The following MLLT10 variants were observed in gnomAD, a reference collection of about 807,000 sequenced individuals.
MLLT10 encodes the protein protein AF-10.
In MLLT10, 30 loss-of-function variants were observed where a neutral mutation model predicts 129.1. The observed-to-expected ratio is 0.23, with a 90% confidence interval of 0.17 to 0.32. The LOEUF (loss-of-function observed/expected upper bound fraction) is 0.32, where lower values mean the gene tolerates loss of function less well. Among genes scored for constraint, MLLT10 ranks in the 10% least tolerant of loss-of-function variants. The pLI is 1.00. For missense variants in MLLT10, 1,119 were observed against 1,268.3 expected (o/e 0.88, Z 1.79); for synonymous variants, 490 against 446.4 (o/e 1.10, Z -1.23).
chr10:21,630,522 G>C (rs2046898604), intron 8 of MLLT10, among the ~76,000 whole-genome samples: 1 of 152,128 alleles, frequency 6.6e-6, no homozygotes, highest in Admixed American at 6.5e-5. Context: ...GGTTGTTTAT[G>C]TTGTTTATAT....
At position 21,595,402 on chromosome 10, in the gene MLLT10, A is replaced by G. The variant is rs1176347739; in HGVS notation, c.367A>G (p.Ile123Val). The change falls in exon 5 of 23, where the codon ATT (isoleucine) becomes GTT (valine). Residue 123 changes from isoleucine (I) to valine (V), a missense_variant. By Grantham distance (29) the Ile-to-Val change is conservative (BLOSUM62 3). Transcript: ENST00000307729. The stretch of plus-strand genomic sequence containing the variant: ...TGCCAATGTTTCCACAATGGAACCA[A>G]TTGTTTTACAGTCTGTTCCGCATGA... ...QFANVSTMEP[I>V]VLQSVPHDRY... The G allele has an allele frequency of 3.1e-6, 5 of 1,613,510 alleles. No homozygotes were observed. Among genetic ancestry groups the G allele is most frequent in the East Asian group, 2.2e-5 (1 of 44,850 alleles).
Position 21,670,843 on chromosome 10 carries a change from A to AT in MLLT10, c.1051+141dup, listed in dbSNP as rs879935843. The AT allele has an allele frequency of 4.5e-3, 4,323 of 968,854 alleles. 16 individuals are homozygous for AT. The highest frequency in any genetic ancestry group is 5.5e-3 in the Non-Finnish European group (3,852 of 695,662). 60.0% of individuals were successfully genotyped at this position (968,854 alleles called of 1,614,324 possible). A position where few individuals can be genotyped will look rare whatever the true frequency, so the allele number is the denominator to read the frequency against. On this transcript the variant is annotated intron_variant, in intron 10 of 22. Transcript: ENST00000307729. ...TTATATGATTAGTTGCTTTAGTAAG[A>AT]TTACTTTAAAGATAGTGTTTCCTAT...
At chr10:21,570,342 G>C (rs995667354) in intron 3 of MLLT10, among the ~76,000 whole-genome samples, 2 of 152,074 alleles carry the variant, frequency 1.3e-5, no homozygotes, top group African/African-American at 2.4e-5. Context: ...CAAAGTGCTG[G>C]GATTACAGGC....
intron 5 of MLLT10, among the ~76,000 whole-genome samples, chr10:21,606,205 T>G (rs1200756617): frequency 1.3e-5 from 2 of 152,180 alleles, no homozygotes; most frequent in African/African-American, 4.8e-5. Flanking sequence ...TTAGGCCTCC[T>G]TGTTCCCTAA....
chr10:21,609,947 C>T (rs924318060), intron 5 of MLLT10, among the ~76,000 whole-genome samples: 2 of 152,086 alleles, frequency 1.3e-5, no homozygotes, highest in African/African-American at 2.4e-5. Flanking sequence ...AAACCTTAAG[C>T]ATGAACTCTA....
intron 21 of MLLT10, among the ~76,000 whole-genome samples, chr10:21,737,360 G>C (rs1346239885): frequency 2.6e-5 from 4 of 152,164 alleles, no homozygotes; most frequent in Non-Finnish European, 5.9e-5. Flanking sequence ...GGAAGCAGGA[G>C]GCAGATGTGG....
chr10:21,707,285 C>T (rs898849465), intron 13 of MLLT10, among the ~76,000 whole-genome samples: 17 of 151,110 alleles, frequency 1.1e-4, no homozygotes, highest in African/African-American at 3.4e-4. Flanking sequence ...CTCCGCCTCC[C>T]GGGTTCACGC....
chr10:21,639,967 C>T (rs2047824983), intron 8 of MLLT10, among the ~76,000 whole-genome samples: 1 of 151,768 alleles, frequency 6.6e-6, no homozygotes. Context: ...AGGCCTAAAG[C>T]ACCCCATTAT....
intron 8 of MLLT10, among the ~76,000 whole-genome samples, chr10:21,618,830 TCAA>T (rs1224891107): frequency 2.6e-5 from 4 of 152,070 alleles, no homozygotes; most frequent in Admixed American, 2.6e-4. Flanking sequence ...CTTCCCGGGT[TCAA>T]GTGATTGTCG....
At chr10:21,631,484 A>C (rs562265494) in intron 8 of MLLT10, among the ~76,000 whole-genome samples, 2 of 151,462 alleles carry the variant, frequency 1.3e-5, no homozygotes, top group East Asian at 1.9e-4. Flanking sequence ...AGGCTGTATT[A>C]GTCCATTCTC....
At chr10:21,604,268 G>A (rs770567532) in intron 5 of MLLT10, among the ~76,000 whole-genome samples, 1 of 152,116 alleles carries the variant, frequency 6.6e-6, no homozygotes, top group Non-Finnish European at 1.5e-5. Context: ...TGGAATTGGC[G>A]ATGGATTAAG....
rs1305931652 is a variant in MLLT10 at position 21,743,296 on chromosome 10, G to C, written c.*1313G>C. On this transcript the variant is annotated 3_prime_UTR_variant, in exon 23 of 23. Transcript: ENST00000307729. ...ATTGCACAGTTCTTACCTCATTTCT[G>C]TAAATAAAGTTTTGTGAATCTGTTT... 1 of 223,978 alleles carries C rather than the reference G, an allele frequency of 4.5e-6. No homozygotes were observed. Among genetic ancestry groups the C allele is most frequent in the Non-Finnish European group, 8.9e-6 (1 of 112,156 alleles). The allele number at this position is 223,978 out of a possible 1,614,324, so 13.9% of individuals were successfully genotyped here. A position where few individuals can be genotyped will look rare whatever the true frequency, so the allele number is the denominator to read the frequency against.
intron 8 of MLLT10, 133 bp from the exon 9 acceptor site, chr10:21,651,540 C>G (rs1016046887): frequency 3.3e-6 from 2 of 605,974 alleles, no homozygotes; most frequent in Non-Finnish European, 5.8e-6. Context: ...TAAAACAACA[C>G]AATGATCAGA....
chr10:21,590,836 C>T (rs1330873412), intron 4 of MLLT10, among the ~76,000 whole-genome samples: 1 of 151,692 alleles, frequency 6.6e-6, no homozygotes, highest in Non-Finnish European at 1.5e-5. Flanking sequence ...ATTTTTTTTG[C>T]CATCTCCCTG....
intron 17 of MLLT10, among the ~76,000 whole-genome samples, chr10:21,731,779 T>TG (rs1188959014): frequency 6.6e-6 from 1 of 152,084 alleles, no homozygotes; most frequent in African/African-American, 2.4e-5. Context: ...TTAAAATAGG[T>TG]GGTGGTTAGC....
chr10:21,698,819 G>A (rs1235546630), intron 13 of MLLT10, among the ~76,000 whole-genome samples: 1 of 152,106 alleles, frequency 6.6e-6, no homozygotes, highest in Non-Finnish European at 1.5e-5. Context: ...TTCCCCTGAT[G>A]ATTAGTGATG....
intron 21 of MLLT10, among the ~76,000 whole-genome samples, chr10:21,737,853 A>G (rs2131591098): frequency 6.6e-6 from 1 of 152,292 alleles, no homozygotes; most frequent in South Asian, 2.1e-4. Context: ...CATCCTTTCT[A>G]AGTATATTTA....
chr10:21,717,334 AAACTTAGAAT>A (rs1427186654), intron 14 of MLLT10, among the ~76,000 whole-genome samples: 14 of 136,488 alleles, frequency 1.0e-4, no homozygotes, highest in African/African-American at 3.3e-4. Context: ...TAGAAGTTAA[AAACTTAGAAT>A]AACTTGAAAC....
chr10:21,581,916 A>G (rs2041500166), intron 3 of MLLT10, among the ~76,000 whole-genome samples: 1 of 152,116 alleles, frequency 6.6e-6, no homozygotes, highest in African/African-American at 2.4e-5. Context: ...TGTACACTTA[A>G]TGTACACTAA....
Sources: allele counts gnomAD v4.1 joint callset (sites outside exome capture counted in the v4.1 genomes callset), GRCh38; gene constraint gnomAD v4.1.1; transcripts MANE v1.5; gene names NCBI Gene and HGNC (gene_info 2026-07-23, HGNC 2026-07-21).